Variants in DNM2 observed in about 807,000 individuals in gnomAD.
The protein encoded by DNM2 is dynamin 2, also known as dynamin-2.
Under a neutral mutation model 99.0 loss-of-function variants are expected in DNM2, and 15 were observed. That is an observed-to-expected ratio of 0.15 (90% CI 0.10 to 0.23). The LOEUF (loss-of-function observed/expected upper bound fraction) is 0.23, where lower values mean the gene tolerates loss of function less well. Among genes scored for constraint, DNM2 ranks in the 10% least tolerant of loss-of-function variants. DNM2 has a pLI of 1.00. For missense variants in DNM2, 742 were observed against 1,189.4 expected (o/e 0.62, Z 5.53); for synonymous variants, 525 against 481.2 (o/e 1.09, Z -1.19).
chr19:10,780,801 G>A (rs1458620612), intron 5 of DNM2, among the ~76,000 whole-genome samples: 3 of 152,018 alleles, frequency 2.0e-5, no homozygotes, highest in African/African-American at 7.2e-5. Context: ...AGTGGCTCAC[G>A]CCTGTAATCC....
chr19:10,822,594 G>A (rs1277866787), intron 16 of DNM2, among the ~76,000 whole-genome samples: 1 of 151,582 alleles, frequency 6.6e-6, no homozygotes, highest in Non-Finnish European at 1.5e-5. Context: ...CACCTCCCAG[G>A]TTTAAGCGAT....
intron 2 of DNM2, among the ~76,000 whole-genome samples, chr19:10,760,514 T>G (rs2063044851): frequency 6.6e-6 from 1 of 152,116 alleles, no homozygotes; most frequent in South Asian, 2.1e-4. Context: ...CATTCCCGCA[T>G]GTCATCCACG....
intron 1 of DNM2, among the ~76,000 whole-genome samples, chr19:10,730,394 T>C (rs923047708): frequency 1.3e-5 from 2 of 152,082 alleles, no homozygotes; most frequent in Non-Finnish European, 1.5e-5. Flanking sequence ...GAGGATCCCT[T>C]GAGCTAGGGT....
intron 2 of DNM2, among the ~76,000 whole-genome samples, chr19:10,762,060 A>C (rs1309198236): frequency 1.3e-5 from 2 of 152,092 alleles, no homozygotes; most frequent in African/African-American, 4.8e-5. Context: ...TTTTATTTTG[A>C]GACGGAGTCT....
rs115972712 is a variant in DNM2 at position 10,826,298 on chromosome 19, C to T, written c.2058+1077C>T. Reference sequence around the variant, plus strand: ...AGGCCAGAGAGATCAAGTAACCTGCCCCAAGTTCCTTAGGAAAGTGGGAAG... The same window carrying T: ...AGGCCAGAGAGATCAAGTAACCTGCTCCAAGTTCCTTAGGAAAGTGGGAAG... On this transcript the variant is annotated intron_variant, in intron 18 of 20. Transcript: ENST00000389253. Among the ~76,000 whole-genome samples, 216 of 152,226 alleles carry T rather than the reference C, an allele frequency of 1.4e-3. 1 individual carries two copies. The highest frequency in any genetic ancestry group is 5.1e-3 in the African/African-American group (210 of 41,536).
rs1200960189 is a variant in DNM2, at chr19:10,786,669, C to T, written c.955C>T (p.Pro319Ser). Residue 319 changes from proline (P) to serine (S), a missense_variant, in exon 7 of 21, where the codon CCC becomes TCC. By Grantham distance (74) the Pro-to-Ser change is moderately conservative (BLOSUM62 -1). Transcript: ENST00000389253. ...KEVEEYKNFR[P>S]DDPTRKTKAL... is the part of the protein sequence containing the mutation. ...GGTGGAGGAGTACAAGAACTTTCGG[C>T]CCGACGACCCCACCCGCAAAACCAA... The T allele has an allele frequency of 1.2e-6, 2 of 1,614,158 alleles. No individual in the cohort carries two copies. The highest frequency in any genetic ancestry group is 2.2e-5 in the South Asian group (2 of 91,090).
At position 10,772,751 on chromosome 19, in the gene DNM2, C is replaced by T. The variant is rs371578319; in HGVS notation, c.385+123C>T. On this transcript the variant is annotated intron_variant, in intron 3 of 20. Transcript: ENST00000389253. The surrounding 1 kb of genome is among the most constrained non-coding windows in gnomAD (Gnocchi z 4.9). ...TGCCCATTCACAAACAGTTGATATT[C>T]ACACACACATAGCCCCTTGATCTGT... The T allele has an allele frequency of 7.1e-7, 1 of 1,411,672 alleles. No homozygotes were observed. The highest frequency in any genetic ancestry group is 1.4e-5 in the African/African-American group (1 of 70,652). 87.4% of individuals were successfully genotyped at this position (1,411,672 alleles called of 1,614,324 possible).
At chr19:10,766,840 G>A (rs1285748084) in intron 2 of DNM2, among the ~76,000 whole-genome samples, 1 of 152,200 alleles carries the variant, frequency 6.6e-6, no homozygotes, top group Non-Finnish European at 1.5e-5. Flanking sequence ...TACTCCTGCT[G>A]TGTGCCAGGC....
rs905687897 is a variant in DNM2, at chr19:10,797,526, G to A, written c.1335+8G>A. The A allele has an allele frequency of 3.1e-6, 5 of 1,613,898 alleles. No homozygotes were observed. In the Admixed American group the frequency reaches 6.7e-5, roughly 22 times the overall value. ...AAAAAGTGTGCCGAGAAGGTAACAG[G>A]TTTTGTTCTCATCTCCGCATTTGTC... is the stretch of plus-strand genomic sequence containing the variant. On this transcript the variant is annotated splice_region_variant and intron_variant, in intron 10 of 20. Coordinates refer to ENST00000389253, the MANE Select transcript of DNM2 (RefSeq NM_001005361.3).
intron 2 of DNM2, among the ~76,000 whole-genome samples, chr19:10,762,239 T>C (rs1053802453): frequency 1.3e-5 from 2 of 152,124 alleles, no homozygotes; most frequent in Non-Finnish European, 2.9e-5. Flanking sequence ...AGCTTCACCA[T>C]GTTGGCCAGG....
Position 10,775,896 on chromosome 19 carries a change from C to T in DNM2, c.579C>T (p.Val193=), listed in dbSNP as rs201924777. 10 of 1,611,966 alleles carry T rather than the reference C, an allele frequency of 6.2e-6. No individual in the cohort carries two copies. Among genetic ancestry groups the T allele is most frequent in the African/African-American group, 1.3e-5 (1 of 74,912 alleles). The stretch of plus-strand genomic sequence containing the variant: ...ACGCCCTCAAGCTGGCCAAGGAAGT[C>T]GATCCCCAAGGTAACCCTGAGCCTA... ...NSDALKLAKE[V]DPQGLRTIGV... The change falls in exon 4 of 21, where the codon GTC becomes GTT. Residue 193 remains valine (V), a synonymous_variant. Coordinates refer to ENST00000389253, the MANE Select transcript of DNM2 (RefSeq NM_001005361.3). The surrounding 1 kb of genome is among the most constrained non-coding windows in gnomAD (Gnocchi z 4.3).
chr19:10,746,697 G>A (rs2069985750), intron 1 of DNM2, among the ~76,000 whole-genome samples: 1 of 150,954 alleles, frequency 6.6e-6, no homozygotes, highest in Non-Finnish European at 1.5e-5. Flanking sequence ...CGGGATTACA[G>A]GTGTGAGCAA....
intron 16 of DNM2, among the ~76,000 whole-genome samples, chr19:10,822,708 AG>A (rs1291889498): frequency 6.6e-6 from 1 of 151,924 alleles, no homozygotes; most frequent in Non-Finnish European, 1.5e-5. Context: ...CATGTTGGCC[AG>A]GCTGGTCTCA....
intron 14 of DNM2, 151 bp downstream of exon 14, chr19:10,808,731 C>T (rs970102218): frequency 1.4e-5 from 13 of 924,018 alleles, no homozygotes; most frequent in East Asian, 2.7e-5. Context: ...CCGCAGCCGG[C>T]GCTGGACTGC....
rs1301069966 is a variant in DNM2, at chr19:10,795,710, C to G, written c.1196+271C>G. The G allele has an allele frequency of 1.4e-5, 8 of 583,790 alleles. No homozygotes were observed. Among genetic ancestry groups the G allele is most frequent in the Non-Finnish European group, 2.4e-5 (8 of 328,392 alleles). 36.2% of individuals were successfully genotyped at this position (583,790 alleles called of 1,614,324 possible). The stretch of plus-strand genomic sequence containing the variant: ...TCCTGCCCAGTCGGTTGGTGTGAAC[C>G]TCATGCTAAACTAAGAATGCTCACT... On this transcript the variant is annotated intron_variant, in intron 9 of 20. Coordinates refer to ENST00000389253, the MANE Select transcript of DNM2 (RefSeq NM_001005361.3). This position sits in a 1 kb window ranked among gnomAD's most constrained non-coding sequence, Gnocchi z 4.2.
rs1461144004 is a variant in DNM2, at chr19:10,816,156, T to C, written c.1671+3779T>C. Reference sequence around the variant, plus strand: ...GGTGGAGGCTTCCCCAGTGCACGTCTGCGGGCCCATGCTCCCTGACCTGAG... The same window carrying C: ...GGTGGAGGCTTCCCCAGTGCACGTCCGCGGGCCCATGCTCCCTGACCTGAG... On this transcript the variant is annotated intron_variant, in intron 15 of 20. Coordinates refer to ENST00000389253, the MANE Select transcript of DNM2 (RefSeq NM_001005361.3). This position sits in a 1 kb window ranked among gnomAD's most constrained non-coding sequence, Gnocchi z 4.6. Among the ~76,000 whole-genome samples the C allele has an allele frequency of 6.6e-6, 1 of 152,046 alleles. No homozygotes were observed. Among genetic ancestry groups the C allele is most frequent in the African/African-American group, 2.4e-5 (1 of 41,402 alleles).
rs1340732771 is a variant in DNM2, at chr19:10,720,216, A to T, written c.161+1813A>T. Among the ~76,000 whole-genome samples, 745 of 140,678 alleles carry T rather than the reference A, an allele frequency of 5.3e-3. 1 individual carries two copies. The highest frequency in any genetic ancestry group is 0.011 in the Middle Eastern group (3 of 276). 92.3% of individuals were successfully genotyped at this position (140,678 alleles called of 152,430 possible). On this transcript the variant is annotated intron_variant, in intron 1 of 20. Coordinates refer to ENST00000389253, the MANE Select transcript of DNM2 (RefSeq NM_001005361.3). ...TTTATTTTATTTTATTTATTTATTT[A>T]TTTTTTTTTTTTTTGAGACAGAGTC...
At position 10,817,503 on chromosome 19, in the gene DNM2, G is replaced by A. The variant is rs373701104; in HGVS notation, c.1672-2477G>A. 3.6e-3 allele frequency: 1,656 copies of A among 458,082 alleles called. 13 individuals are homozygous for A. Among genetic ancestry groups the A allele is most frequent in the South Asian group, 4.1e-3 (261 of 63,194 alleles). 28.4% of individuals were successfully genotyped at this position (458,082 alleles called of 1,614,324 possible). ...GTCTGAACACTGGGTTGGCGGGGCC[G>A]GCTATCCATCCTGCAGAACCCCCCA... On this transcript the variant is annotated intron_variant, in intron 15 of 20. Transcript: ENST00000389253. The surrounding 1 kb of genome is among the most constrained non-coding windows in gnomAD (Gnocchi z 4.6).
At chr19:10,742,660 T>C (rs2069798032) in intron 1 of DNM2, among the ~76,000 whole-genome samples, 1 of 152,136 alleles carries the variant, frequency 6.6e-6, no homozygotes, top group South Asian at 2.1e-4. Flanking sequence ...TTTCCTTGTG[T>C]GCCCCTGGAA....
Sources: allele counts gnomAD v4.1 joint callset (sites outside exome capture counted in the v4.1 genomes callset), GRCh38; gene constraint gnomAD v4.1.1; non-coding constraint Gnocchi (gnomAD v3.1); transcripts MANE v1.5; gene names NCBI Gene and HGNC (gene_info 2026-07-23, HGNC 2026-07-21).